RFX3: variants seen among roughly 807,000 people sequenced by gnomAD.
RFX3 encodes the protein transcription factor RFX3.
A neutral mutation model predicts 98.6 loss-of-function variants in RFX3; 14 were observed. The observed-to-expected ratio is 0.14, with a 90% CI of 0.09 to 0.22. The LOEUF (loss-of-function observed/expected upper bound fraction) is 0.22, where lower values mean the gene tolerates loss of function less well. RFX3 is among the 10% of genes least tolerant of loss of function. The probability of loss-of-function intolerance (pLI) is 1.00; values close to 1 mark genes in which losing one functional copy is unlikely to be tolerated. For missense variants in RFX3, 639 were observed against 926.9 expected (o/e 0.69, Z 4.03); for synonymous variants, 383 against 328.4 (o/e 1.17, Z -1.80).
intron 1 of RFX3, among the ~76,000 whole-genome samples, chr9:3,398,925 A>AT (rs1398541938): frequency 6.7e-6 from 1 of 148,598 alleles, no homozygotes; most frequent in African/African-American, 2.5e-5. Context: ...AAAAAAAAAA[A>AT]AAAAAAAAAA....
chr9:3,280,401 G>A (rs1220619018), intron 7 of RFX3, among the ~76,000 whole-genome samples: 2 of 151,736 alleles, frequency 1.3e-5, no homozygotes, highest in Non-Finnish European at 2.9e-5. Flanking sequence ...TATCGACAAT[G>A]TATTGTCTGG....
intron 1 of RFX3, among the ~76,000 whole-genome samples, chr9:3,417,340 CATTT>C (rs1843071453): frequency 6.6e-6 from 1 of 151,958 alleles, no homozygotes; most frequent in Non-Finnish European, 1.5e-5. Flanking sequence ...TGCAAACTGA[CATTT>C]ATAGAACATT....
chr9:3,520,270 A>G (rs1010329367), intron 1 of RFX3, among the ~76,000 whole-genome samples: 7 of 152,252 alleles, frequency 4.6e-5, no homozygotes, highest in African/African-American at 1.7e-4. Flanking sequence ...CACATGAACT[A>G]CTATGCCTTG....
intron 7 of RFX3, among the ~76,000 whole-genome samples, chr9:3,281,006 A>G (rs1825854479): frequency 1.3e-5 from 2 of 151,848 alleles, no homozygotes; most frequent in South Asian, 4.1e-4. Flanking sequence ...GTTTAAGGTA[A>G]CATGCTTGAT....
rs746571816 is a variant in RFX3, at chr9:3,225,330, T to C, written c.2012-50A>G. The C allele has an allele frequency of 7.5e-6, 12 of 1,599,758 alleles. 1 individual carries two copies. Among genetic ancestry groups the C allele is most frequent in the Middle Eastern group, 1.7e-4 (1 of 6,034 alleles). ...CTATCATCGAAGACAAATTAGAAAA[T>C]AGCAATCAACAGGTGCTTTAGAAAC... On this transcript the variant is annotated intron_variant, in intron 16 of 16. Coordinates refer to ENST00000617270, the MANE Select transcript of RFX3 (RefSeq NM_001282116.2).
chr9:3,282,203 C>T (rs1185712910), intron 7 of RFX3, among the ~76,000 whole-genome samples: 2 of 151,710 alleles, frequency 1.3e-5, no homozygotes, highest in African/African-American at 4.8e-5. Flanking sequence ...GTGATATAAA[C>T]GCTAATGGAT....
intron 4 of RFX3, among the ~76,000 whole-genome samples, chr9:3,306,489 G>A (rs945999781): frequency 6.0e-5 from 9 of 151,000 alleles, no homozygotes; most frequent in African/African-American, 2.2e-4. Context: ...GGAAGGAAGG[G>A]AAATTACTTC....
intron 1 of RFX3, among the ~76,000 whole-genome samples, chr9:3,413,590 C>T (rs369789176): frequency 6.6e-6 from 1 of 152,016 alleles, no homozygotes; most frequent in African/African-American, 2.4e-5. Context: ...ACTGCAGATC[C>T]TAGACACAGT....
At chr9:3,408,435 G>C (rs1842154861) in intron 1 of RFX3, among the ~76,000 whole-genome samples, 1 of 152,012 alleles carries the variant, frequency 6.6e-6, no homozygotes. Context: ...TTTTCATTTT[G>C]TTGTTTCAGT....
intron 1 of RFX3, among the ~76,000 whole-genome samples, chr9:3,402,591 G>C (rs1002766600): frequency 5.3e-5 from 8 of 151,878 alleles, no homozygotes; most frequent in Admixed American, 5.2e-4. Context: ...ATGTTTTGCA[G>C]GTGAAAATTA....
chr9:3,522,905 C>G (rs773159503), intron 1 of RFX3, among the ~76,000 whole-genome samples: 1 of 151,954 alleles, frequency 6.6e-6, no homozygotes, highest in Non-Finnish European at 1.5e-5. Context: ...CAGGTTAAAG[C>G]ACAGTAAGCT....
intron 3 of RFX3, among the ~76,000 whole-genome samples, chr9:3,336,379 G>T (rs751016658): frequency 6.6e-6 from 1 of 151,620 alleles, no homozygotes; most frequent in Non-Finnish European, 1.5e-5. Flanking sequence ...AAGATAATTA[G>T]AAGTTTTCCT....
intron 4 of RFX3, among the ~76,000 whole-genome samples, chr9:3,304,411 C>T (rs1271179789): frequency 6.6e-6 from 1 of 151,650 alleles, no homozygotes; most frequent in Non-Finnish European, 1.5e-5. Context: ...TTTCATAATC[C>T]AATAGACATT....
intron 4 of RFX3, among the ~76,000 whole-genome samples, chr9:3,318,148 T>G (rs1185941028): frequency 1.3e-5 from 2 of 152,114 alleles, no homozygotes; most frequent in Non-Finnish European, 2.9e-5. Context: ...ATAGACTGGA[T>G]TAAGAAAATG....
intron 2 of RFX3, among the ~76,000 whole-genome samples, chr9:3,369,995 A>ATTTTTT (rs71324244): frequency 9.0e-5 from 12 of 132,638 alleles, no homozygotes; most frequent in African/African-American, 3.5e-4. Flanking sequence ...CGCCCGGCTA[A>ATTTTTT]TTTTTTTTTT....
At chr9:3,484,599 GA>G (rs768443126) in intron 1 of RFX3, among the ~76,000 whole-genome samples, 14 of 152,306 alleles carry the variant, frequency 9.2e-5, no homozygotes, top group Non-Finnish European at 1.3e-4. Flanking sequence ...GTTAGTATCT[GA>G]AAACATTTAG....
At chr9:3,386,668 T>C (rs1430036839) in intron 2 of RFX3, among the ~76,000 whole-genome samples, 1 of 152,150 alleles carries the variant, frequency 6.6e-6, no homozygotes, top group Non-Finnish European at 1.5e-5. Flanking sequence ...TAGTATCAAG[T>C]GTCAAAGAAA....
chr9:3,356,963 G>GCACACACACACACA (rs199897465), intron 2 of RFX3, among the ~76,000 whole-genome samples: 43 of 140,926 alleles, frequency 3.1e-4, no homozygotes, highest in Middle Eastern at 7.0e-3. Flanking sequence ...ATACACACAT[G>GCACACACACACACA]CACACACACG....
At chr9:3,504,537 CCA>C (rs1372953366) in intron 1 of RFX3, among the ~76,000 whole-genome samples, 7 of 130,584 alleles carry the variant, frequency 5.4e-5, no homozygotes, top group Non-Finnish European at 6.2e-5. Context: ...ATATTATATG[CCA>C]TATGGTATAT....
Sources: gnomAD v4.1 joint callset for allele counts (sites outside exome capture counted in the v4.1 genomes callset) on GRCh38, gnomAD v4.1.1 for gene constraint, MANE v1.5 for transcripts, NCBI Gene and HGNC (gene_info 2026-07-23, HGNC 2026-07-21) for gene names.